MFAP3L: variants seen among roughly 807,000 people sequenced by gnomAD.
MFAP3L encodes the protein microfibrillar-associated protein 3-like.
Under a neutral mutation model 20.0 loss-of-function variants are expected in MFAP3L, and 5 were observed. The ratio of observed to expected loss-of-function variants is 0.25; its 90% CI spans 0.13 to 0.53. The LOEUF is 0.53. MFAP3L is among the 20% of genes least tolerant of loss of function. MFAP3L has a pLI of 0.96. For synonymous variants in MFAP3L, 219 were observed against 213.0 expected (o/e 1.03, Z -0.25); for missense variants, 409 against 527.5 (o/e 0.78, Z 2.20).
At chr4:170,023,945 A>G (rs1324300043) in intron 1 of MFAP3L, among the ~76,000 whole-genome samples, 1 of 152,214 alleles carries the variant, frequency 6.6e-6, no homozygotes, top group Non-Finnish European at 1.5e-5. Context: ...TTTTAAAGGG[A>G]GTAATTTGCT....
At chr4:170,018,289 A>G (rs1739822739) in intron 1 of MFAP3L, among the ~76,000 whole-genome samples, 1 of 152,216 alleles carries the variant, frequency 6.6e-6, no homozygotes, top group Non-Finnish European at 1.5e-5. Context: ...CACGCAAGTA[A>G]TAAAAACCTA....
chr4:170,008,785 T>C (rs563165414), intron 1 of MFAP3L, among the ~76,000 whole-genome samples: 1 of 152,300 alleles, frequency 6.6e-6, no homozygotes, highest in South Asian at 2.1e-4. Context: ...TGCTCCCTGG[T>C]GTATGATCTT....
intron 2 of MFAP3L, chr4:170,003,746 T>A (rs753920376): frequency 1.5e-4 from 149 of 985,310 alleles, no homozygotes; most frequent in Non-Finnish European, 1.7e-4. Flanking sequence ...CACCGTGGGT[T>A]CCCTAGCGAT....
intron 1 of MFAP3L, among the ~76,000 whole-genome samples, chr4:170,019,199 G>A (rs138404109): frequency 0.018 from 2,737 of 152,288 alleles, 46 homozygotes; most frequent in Non-Finnish European, 0.026. Flanking sequence ...TCTCCTCAGG[G>A]TGGTCATTAC....
Position 170,009,834 on chromosome 4 carries a change from C to T in MFAP3L, c.-133-3824G>A, listed in dbSNP as rs372289994. Reference sequence around the variant, plus strand: ...CAATAAGACTGTTGCCCATGTATTTCTGGAGCTAGAAGGAAAAGGACCTCT... The same window carrying T: ...CAATAAGACTGTTGCCCATGTATTTTTGGAGCTAGAAGGAAAAGGACCTCT... On this transcript the variant is annotated intron_variant, in intron 1 of 2. Transcript: ENST00000361618. Among the ~76,000 whole-genome samples the T allele has an allele frequency of 1.1e-4, 17 of 152,120 alleles. 1 individual carries two copies. The East Asian group carries it at 1.3e-3, about 12-fold the overall frequency.
intron 1 of MFAP3L, among the ~76,000 whole-genome samples, chr4:170,014,501 G>A (rs1402004690): frequency 2.0e-5 from 3 of 152,294 alleles, no homozygotes; most frequent in Admixed American, 2.0e-4. Context: ...GGTGCTTTAT[G>A]GAGGTGCTGA....
At position 169,990,163 on chromosome 4, in the gene MFAP3L, T is replaced by C. The variant is rs1737556271; in HGVS notation, c.*1215A>G. ...ATTGGCACAGTGGGTATTAAGCCTTTGGATGACTAATTTTGTCTTCTTTCC... is the reference window on the plus strand; with the variant it reads ...ATTGGCACAGTGGGTATTAAGCCTTCGGATGACTAATTTTGTCTTCTTTCC... On this transcript the variant is annotated 3_prime_UTR_variant, in exon 3 of 3. Coordinates refer to ENST00000361618, the MANE Select transcript of MFAP3L (RefSeq NM_021647.8). 6.6e-6 allele frequency: 1 copy of C among 152,262 alleles called. No homozygotes were observed. The highest frequency in any genetic ancestry group is 1.5e-5 in the Non-Finnish European group (1 of 68,044). The allele number at this position is 152,262 out of a possible 1,614,324, so 9.4% of individuals were successfully genotyped here.
intron 2 of MFAP3L, among the ~76,000 whole-genome samples, chr4:169,996,740 G>T (rs749257968): frequency 6.6e-6 from 1 of 152,128 alleles, no homozygotes; most frequent in Non-Finnish European, 1.5e-5. Context: ...CCCCAAATAT[G>T]CAAGAGCTTT....
intron 1 of MFAP3L, chr4:170,007,110 G>A (rs546014058): frequency 1.3e-5 from 2 of 152,162 alleles, no homozygotes; most frequent in East Asian, 3.9e-4. Flanking sequence ...ACACTGAAGG[G>A]GTACCTGGTG....
chr4:170,021,495 A>G (rs1740034175), intron 1 of MFAP3L, among the ~76,000 whole-genome samples: 1 of 152,180 alleles, frequency 6.6e-6, no homozygotes, highest in Non-Finnish European at 1.5e-5. Context: ...ATACAATATA[A>G]AGTTTTGTTT....
At chr4:170,019,028 G>A (rs954868000) in intron 1 of MFAP3L, among the ~76,000 whole-genome samples, 1 of 152,228 alleles carries the variant, frequency 6.6e-6, no homozygotes, top group African/African-American at 2.4e-5. Context: ...AGACCTAACA[G>A]GAGGTGCTGG....
chr4:170,007,047 T>C (rs1739083200), intron 1 of MFAP3L: 1 of 152,196 alleles, frequency 6.6e-6, no homozygotes, highest in Admixed American at 6.5e-5. Flanking sequence ...TCTAATTCTA[T>C]AGCCATGCCT....
Position 170,009,021 on chromosome 4 carries a change from C to T in MFAP3L, c.-133-3011G>A, listed in dbSNP as rs981325744. Among the ~76,000 whole-genome samples the T allele has an allele frequency of 7.2e-5, 11 of 152,106 alleles. No individual in the cohort carries two copies. The East Asian group carries it at 1.2e-3, about 16-fold the overall frequency. On this transcript the variant is annotated intron_variant, in intron 1 of 2. Coordinates refer to ENST00000361618, the MANE Select transcript of MFAP3L (RefSeq NM_021647.8). Reference sequence around the variant, plus strand: ...ACATAAGATATCACGTGACTCTGGACGCTGGCAAAATATTCTGCAAATGTA... The same window carrying T: ...ACATAAGATATCACGTGACTCTGGATGCTGGCAAAATATTCTGCAAATGTA...
intron 2 of MFAP3L, among the ~76,000 whole-genome samples, chr4:169,996,015 AC>A (rs916481638): frequency 3.1e-5 from 1 of 31,870 alleles, no homozygotes; most frequent in African/African-American, 1.1e-4. Context: ...GCCACCCCCC[AC>A]CCCCCACCCT....
chr4:170,011,676 A>G (rs1477628086), intron 1 of MFAP3L, among the ~76,000 whole-genome samples: 3 of 152,076 alleles, frequency 2.0e-5, no homozygotes, highest in Non-Finnish European at 4.4e-5. Flanking sequence ...GGAAGGGGAC[A>G]CAGGACTCTC....
At chr4:170,026,995 A>G (rs367736179), upstream of MFAP3L, 10 of 152,226 alleles carry the variant, frequency 6.6e-5, no homozygotes, top group South Asian at 2.1e-4. Flanking sequence ...GAGTCTGGAA[A>G]AAAACCCAGC....
In MFAP3L at chr4:170,007,608, A is replaced by G. The variant is rs190446858; in HGVS notation, c.-133-1598T>C. Among the ~76,000 whole-genome samples the G allele has an allele frequency of 1.1e-3, 166 of 152,332 alleles. 1 individual carries two copies. The highest frequency in any genetic ancestry group is 3.8e-3 in the African/African-American group (158 of 41,574). On this transcript the variant is annotated intron_variant, in intron 1 of 2. Coordinates refer to ENST00000361618, the MANE Select transcript of MFAP3L (RefSeq NM_021647.8). ...TCCTTTATTGAAATGATGCTTCTCC[A>G]ATCTATTTTTATGTCTTCTAAAAGC... is the stretch of plus-strand genomic sequence containing the variant.
intron 1 of MFAP3L, among the ~76,000 whole-genome samples, chr4:170,016,750 T>G (rs1739725009): frequency 6.6e-6 from 1 of 152,244 alleles, no homozygotes; most frequent in Non-Finnish European, 1.5e-5. Context: ...ACTGCTCGCC[T>G]TTGGTACAAA....
chr4:169,996,683 C>T (rs189509315), intron 2 of MFAP3L, among the ~76,000 whole-genome samples: 2 of 152,120 alleles, frequency 1.3e-5, no homozygotes, highest in African/African-American at 2.4e-5. Flanking sequence ...ACTAGAAAAC[C>T]GAGAAGGGCT....
Sources: allele counts gnomAD v4.1 joint callset (sites outside exome capture counted in the v4.1 genomes callset), GRCh38; gene constraint gnomAD v4.1.1; transcripts MANE v1.5; gene names NCBI Gene and HGNC (gene_info 2026-07-23, HGNC 2026-07-21).